ABCD2: variants seen among roughly 807,000 people sequenced by gnomAD.
ABCD2 encodes ATP binding cassette subfamily D member 2.
A neutral mutation model predicts 70.9 loss-of-function variants in ABCD2; 36 were observed. That is an observed-to-expected ratio of 0.51 (90% CI 0.39 to 0.67). The LOEUF (loss-of-function observed/expected upper bound fraction) is 0.67, where lower values mean the gene tolerates loss of function less well. Among genes scored for constraint, ABCD2 ranks in the 30% least tolerant of loss-of-function variants. The pLI is 0.00. For synonymous variants in ABCD2, 304 were observed against 306.9 expected (o/e 0.99, Z 0.10); for missense variants, 729 against 890.2 (o/e 0.82, Z 2.30).
At chr12:39,614,802 C>T (rs1942093818) in intron 2 of ABCD2, among the ~76,000 whole-genome samples, 1 of 151,938 alleles carries the variant, frequency 6.6e-6, no homozygotes, top group South Asian at 2.1e-4. Flanking sequence ...ATACATATAC[C>T]TGCAAACATT....
chr12:39,560,508 C>T (rs1156704835), intron 9 of ABCD2, among the ~76,000 whole-genome samples: 2 of 151,904 alleles, frequency 1.3e-5, no homozygotes, highest in African/African-American at 4.8e-5. Flanking sequence ...AAATTATAAC[C>T]ATTAAAATAA....
chr12:39,569,295 G>A lies in ABCD2; in HGVS notation c.2003+4421C>T, dbSNP rs183601729. ...TCCACCCAGTTGGAGCTTCCCTGCCGCTTTGTTTACCTACTGAAGCCTTGG... is the reference window on the plus strand; with the variant it reads ...TCCACCCAGTTGGAGCTTCCCTGCCACTTTGTTTACCTACTGAAGCCTTGG... On this transcript the variant is annotated intron_variant, in intron 9 of 9. Coordinates refer to ENST00000308666, the MANE Select transcript of ABCD2 (RefSeq NM_005164.4). 7.4e-3 allele frequency among the ~76,000 whole-genome samples: 1,128 copies of A among 152,334 alleles called. 7 individuals carry two copies. The highest frequency in any genetic ancestry group is 0.025 in the South Asian group (120 of 4,828).
chr12:39,534,701 C>CGGACGGAAGGAA, the ABCD2 span, among the ~76,000 whole-genome samples: 1 of 111,210 alleles, frequency 9.0e-6, no homozygotes, highest in Non-Finnish European at 1.7e-5. Flanking sequence ...GAAGGAAGGA[C>CGGACGGAAGGAA]GGAAGGAAGG....
intron 6 of ABCD2, among the ~76,000 whole-genome samples, chr12:39,596,526 T>C (rs1941817990): frequency 6.6e-6 from 1 of 152,192 alleles, no homozygotes; most frequent in Admixed American, 6.5e-5. Flanking sequence ...TCAGATTTAA[T>C]TCTATACTTA....
chr12:39,613,148 A>G lies in ABCD2; in HGVS notation c.1120+3840T>C, dbSNP rs1942067642. 2.3e-5 allele frequency among the ~76,000 whole-genome samples: 2 copies of G among 87,734 alleles called. 1 individual carries two copies. Among genetic ancestry groups the G allele is most frequent in the African/African-American group, 1.7e-4 (2 of 11,596 alleles). 57.6% of individuals were successfully genotyped at this position (87,734 alleles called of 152,430 possible). On this transcript the variant is annotated intron_variant, in intron 2 of 9. Coordinates refer to ENST00000308666, the MANE Select transcript of ABCD2 (RefSeq NM_005164.4). ...ACGCCTGTAATCCCAGCACTTTGGG[A>G]GGCCGAGGCGGGCGGATCACGAGGT...
chr12:39,600,851 T>C (rs973507311), intron 5 of ABCD2, 135 bp from the exon 6 acceptor site: 2 of 753,328 alleles, frequency 2.7e-6, no homozygotes, highest in Admixed American at 3.2e-5. Flanking sequence ...AGGAAAAATA[T>C]TTCAGGGTTG....
intron 6 of ABCD2, among the ~76,000 whole-genome samples, chr12:39,596,450 A>G (rs543470760): frequency 1.7e-4 from 26 of 152,326 alleles, no homozygotes; most frequent in African/African-American, 6.0e-4. Context: ...TCTCTCTGAC[A>G]TGAAACACAA....
At chr12:39,579,132 C>A (rs368267293) in intron 8 of ABCD2, among the ~76,000 whole-genome samples, 1 of 152,130 alleles carries the variant, frequency 6.6e-6, no homozygotes, top group Admixed American at 6.5e-5. Context: ...GAGGCCAAGG[C>A]GGGCGGATCA....
chr12:39,598,865 C>A (rs1428754347), intron 6 of ABCD2, among the ~76,000 whole-genome samples: 1 of 152,130 alleles, frequency 6.6e-6, no homozygotes, highest in Non-Finnish European at 1.5e-5. Flanking sequence ...CATTTAGACT[C>A]TCAGTTTACA....
At chr12:39,584,135 A>G (rs1941633946) in intron 7 of ABCD2, among the ~76,000 whole-genome samples, 2 of 152,168 alleles carry the variant, frequency 1.3e-5, no homozygotes, top group Admixed American at 1.3e-4. Flanking sequence ...TCCCACCAAC[A>G]GTGTATAAGT....
At chr12:39,560,767 CAT>C (rs1941244908) in intron 9 of ABCD2, among the ~76,000 whole-genome samples, 1 of 152,004 alleles carries the variant, frequency 6.6e-6, no homozygotes. Flanking sequence ...CTTAAAATAA[CAT>C]GTTATAAGAT....
intron 8 of ABCD2, among the ~76,000 whole-genome samples, chr12:39,576,812 T>A (rs1941523941): frequency 1.3e-5 from 2 of 152,212 alleles, no homozygotes; most frequent in African/African-American, 2.4e-5. Context: ...AATGTTTTTT[T>A]ATCTTGATTG....
At chr12:39,577,152 A>G (rs1441977695) in intron 8 of ABCD2, among the ~76,000 whole-genome samples, 3 of 152,160 alleles carry the variant, frequency 2.0e-5, no homozygotes, top group African/African-American at 7.2e-5. Context: ...CAAAATTTTA[A>G]CAGTGTTAAT....
chr12:39,547,561 A>C (rs1941037570), downstream of ABCD2, among the ~76,000 whole-genome samples: 1 of 152,172 alleles, frequency 6.6e-6, no homozygotes, highest in African/African-American at 2.4e-5. Context: ...TAAGCCAGTC[A>C]CAAAAAAGCA....
intron 9 of ABCD2, among the ~76,000 whole-genome samples, chr12:39,564,844 T>A (rs369682343): frequency 3.9e-5 from 6 of 151,974 alleles, no homozygotes; most frequent in Non-Finnish European, 5.9e-5. Context: ...AGCTTTCTAC[T>A]TATGGCTAGC....
intron 8 of ABCD2, among the ~76,000 whole-genome samples, chr12:39,578,586 A>G (rs1272274391): frequency 1.3e-5 from 2 of 151,620 alleles, no homozygotes; most frequent in Non-Finnish European, 2.9e-5. Context: ...GAATGGAATG[A>G]ATCAGGAGAA....
In ABCD2 at chr12:39,558,687, C is replaced by T. The variant is rs543965684; in HGVS notation, c.2004-4556G>A. 1.4e-4 allele frequency among the ~76,000 whole-genome samples: 21 copies of T among 152,274 alleles called. No homozygotes were observed. The South Asian group carries it at 1.7e-3, about 12-fold the overall frequency. The stretch of plus-strand genomic sequence containing the variant: ...TTTGCTTCCCCCTCACCTTCTGCCA[C>T]GATCATAAGTTTTCTGAGGCCTCCC... On this transcript the variant is annotated intron_variant, in intron 9 of 9. Coordinates refer to ENST00000308666, the MANE Select transcript of ABCD2 (RefSeq NM_005164.4).
chr12:39,589,540 A>C (rs1393157963), intron 6 of ABCD2, among the ~76,000 whole-genome samples: 1 of 151,840 alleles, frequency 6.6e-6, no homozygotes, highest in East Asian at 1.9e-4. Context: ...GGCGTCTGTC[A>C]CCACGCCTGG....
intron 5 of ABCD2, among the ~76,000 whole-genome samples, chr12:39,603,645 C>G (rs12231004): frequency 0.27 from 40,332 of 151,788 alleles, 7,231 homozygotes; most frequent in African/African-American, 0.52. Context: ...ACAAATTTCT[C>G]ATGAAATTTC....
Sources: gnomAD v4.1 joint callset for allele counts (sites outside exome capture counted in the v4.1 genomes callset) on GRCh38, gnomAD v4.1.1 for gene constraint, MANE v1.5 for transcripts, NCBI Gene and HGNC (gene_info 2026-07-23, HGNC 2026-07-21) for gene names.